Variants in TLK2 observed in about 807,000 individuals in gnomAD.
TLK2 encodes serine/threonine-protein kinase tousled-like 2.
TLK2 carries 6 observed loss-of-function variants against 117.3 expected under a neutral mutation model. The ratio of observed to expected loss-of-function variants is 0.05; its 90% confidence interval spans 0.03 to 0.10. The LOEUF is 0.10. TLK2 is among the 10% of genes least tolerant of loss of function. The pLI is 1.00. For synonymous variants in TLK2, 257 were observed against 316.7 expected, an observed-to-expected ratio of 0.81 and a Z score of 2.00; for missense variants, 299 against 901.2, an observed-to-expected ratio of 0.33 and a Z score of 8.56.
At chr17:62,573,884 G>T (rs1477409283) in intron 12 of TLK2, among the ~76,000 whole-genome samples, 1 of 152,108 alleles carries the variant, frequency 6.6e-6, no homozygotes, top group South Asian at 2.1e-4. Flanking sequence ...CCTGTTCTGG[G>T]AATCTAAGGA....
intron 18 of TLK2, 136 bp downstream of exon 18, chr17:62,600,956 G>A (rs190692183): frequency 2.2e-6 from 2 of 896,202 alleles, no homozygotes; most frequent in East Asian, 2.7e-5. Flanking sequence ...GCCTGGGTAG[G>A]TGTGGGAAAA....
In TLK2 at chr17:62,586,125, C is replaced by T. The variant is rs368974144; in HGVS notation, c.1369-10C>T. 8.1e-6 allele frequency: 13 copies of T among 1,598,556 alleles called. No homozygotes were observed. Among genetic ancestry groups the T allele is most frequent in the Admixed American group, 1.7e-5 (1 of 57,200 alleles). The stretch of plus-strand genomic sequence containing the variant: ...ACATTTACCCAGTATATAATTTATT[C>T]TCTTTATAGGCATTTGATCTAACAG... On this transcript the variant is annotated splice_polypyrimidine_tract_variant and intron_variant, in intron 15 of 21. Coordinates refer to ENST00000346027, the MANE Select transcript of TLK2 (RefSeq NM_006852.6).
chr17:62,540,544 G>A (rs1278020836), intron 7 of TLK2, among the ~76,000 whole-genome samples: 29 of 149,448 alleles, frequency 1.9e-4, no homozygotes, highest in Non-Finnish European at 3.1e-4. Flanking sequence ...GATTACAGGC[G>A]CGTACCACCA....
At chr17:62,536,734 A>G (rs1485761275) in intron 7 of TLK2, among the ~76,000 whole-genome samples, 3 of 152,144 alleles carry the variant, frequency 2.0e-5, no homozygotes, top group Non-Finnish European at 2.9e-5. Context: ...CAGTTTTAGT[A>G]TGTAGGCAGG....
intron 11 of TLK2, among the ~76,000 whole-genome samples, chr17:62,567,234 C>G (rs1252413411): frequency 6.6e-6 from 1 of 152,050 alleles, no homozygotes; most frequent in African/African-American, 2.4e-5. Flanking sequence ...GACCCTGTCT[C>G]ATAACAAAAC....
chr17:62,568,425 C>G (rs1598639738), intron 11 of TLK2, among the ~76,000 whole-genome samples: 1 of 137,080 alleles, frequency 7.3e-6, no homozygotes, highest in African/African-American at 2.7e-5. Context: ...GAGCGAGACC[C>G]TGTCTCAAAA....
At chr17:62,545,721 A>T (rs903736029) in intron 7 of TLK2, among the ~76,000 whole-genome samples, 6 of 152,104 alleles carry the variant, frequency 3.9e-5, no homozygotes, top group African/African-American at 1.4e-4. Flanking sequence ...TTGTTTAAAG[A>T]CAGGGTCTCA....
At chr17:62,514,116 T>C (rs2075371254) in intron 2 of TLK2, among the ~76,000 whole-genome samples, 1 of 152,164 alleles carries the variant, frequency 6.6e-6, no homozygotes, top group African/African-American at 2.4e-5. Flanking sequence ...GTTATTATTG[T>C]TATTACTTTA....
At chr17:62,520,365 A>G (rs1387404135) in intron 2 of TLK2, among the ~76,000 whole-genome samples, 5 of 152,158 alleles carry the variant, frequency 3.3e-5, no homozygotes, top group African/African-American at 4.8e-5. Flanking sequence ...CTGAAGTCGC[A>G]TTCTTCCCAG....
intron 2 of TLK2, among the ~76,000 whole-genome samples, chr17:62,489,870 G>GC (rs1182831403): frequency 6.6e-6 from 1 of 151,992 alleles, no homozygotes; most frequent in Non-Finnish European, 1.5e-5. Flanking sequence ...GAGTCAACTT[G>GC]CCCAGGCTGG....
At chr17:62,563,091 G>A (rs1038907185) in intron 10 of TLK2, among the ~76,000 whole-genome samples, 1 of 152,128 alleles carries the variant, frequency 6.6e-6, no homozygotes, top group Non-Finnish European at 1.5e-5. Flanking sequence ...TTATTATATT[G>A]TCATACAGTG....
intron 7 of TLK2, among the ~76,000 whole-genome samples, chr17:62,537,988 C>T (rs180808235): frequency 1.2e-3 from 183 of 148,184 alleles, no homozygotes; most frequent in African/African-American, 4.3e-3. Flanking sequence ...TCACACATTT[C>T]GAGATTGTTA....
Position 62,576,783 on chromosome 17 carries a change from T to A in TLK2, c.1188+8T>A. On this transcript the variant is annotated splice_region_variant and intron_variant, in intron 13 of 21. Transcript: ENST00000346027. ...TTAGGTCATCTTAAAAAGGTAAGTA[T>A]AATGAGAAAATCTCCCTGGAGAAAT... 6.2e-7 allele frequency: 1 copy of A among 1,602,504 alleles called. No individual in the cohort carries two copies. Among genetic ancestry groups the A allele is most frequent in the African/African-American group, 1.3e-5 (1 of 74,686 alleles).
At chr17:62,595,945 C>T (rs779460846) in intron 16 of TLK2, among the ~76,000 whole-genome samples, 13 of 151,904 alleles carry the variant, frequency 8.6e-5, no homozygotes, top group Non-Finnish European at 1.8e-4. Context: ...GGAAAATAAC[C>T]GTCCTTGTTA....
chr17:62,476,794 T>C (rs1035455144), upstream of TLK2, among the ~76,000 whole-genome samples: 1 of 151,714 alleles, frequency 6.6e-6, no homozygotes, highest in African/African-American at 2.4e-5. Flanking sequence ...TAAGACAGTG[T>C]CATTTGGTCG....
chr17:62,601,082 A>G (rs1005279608), intron 18 of TLK2, among the ~76,000 whole-genome samples: 2 of 152,196 alleles, frequency 1.3e-5, no homozygotes, highest in African/African-American at 4.8e-5. Context: ...TCTCATTAAG[A>G]AAGAACTGTT....
At chr17:62,513,314 T>G (rs994163710) in intron 2 of TLK2, among the ~76,000 whole-genome samples, 14 of 145,336 alleles carry the variant, frequency 9.6e-5, no homozygotes, top group African/African-American at 3.3e-4. Flanking sequence ...ATTTATTAAA[T>G]TGCCTTTTTT....
At chr17:62,499,164 A>T (rs1235451589) in intron 2 of TLK2, among the ~76,000 whole-genome samples, 2 of 151,804 alleles carry the variant, frequency 1.3e-5, no homozygotes, top group Non-Finnish European at 2.9e-5. Context: ...ACCACGGCAA[A>T]ACCCTGTCTC....
chr17:62,505,916 C>A, intron 2 of TLK2, among the ~76,000 whole-genome samples: 1 of 152,150 alleles, frequency 6.6e-6, no homozygotes, highest in Non-Finnish European at 1.5e-5. Context: ...TGGTCTCAAA[C>A]TCCTGGGCTC....
Sources: allele counts gnomAD v4.1 joint callset (sites outside exome capture counted in the v4.1 genomes callset), GRCh38; gene constraint gnomAD v4.1.1; transcripts MANE v1.5; gene names NCBI Gene and HGNC (gene_info 2026-07-23, HGNC 2026-07-21).